Variants in FRMPD4 observed in about 807,000 individuals in gnomAD.
FRMPD4 encodes the protein FERM and PDZ domain-containing protein 4.
In FRMPD4, 22 loss-of-function variants were observed where a neutral mutation model predicts 94.1. The observed-to-expected ratio is 0.23, with a 90% CI of 0.17 to 0.33. The LOEUF (loss-of-function observed/expected upper bound fraction) is 0.33, where lower values mean the gene tolerates loss of function less well. Ranked by LOEUF, FRMPD4 falls within the 10% of genes least tolerant of loss-of-function variation. The probability of loss-of-function intolerance (pLI) is 1.00; values close to 1 mark genes in which losing one functional copy is unlikely to be tolerated. For synonymous variants in FRMPD4, 631 were observed against 548.6 expected (o/e 1.15, Z -2.10); for missense variants, 1,111 against 1,339.9 (o/e 0.83, Z 2.67).
chrX:12,233,819 T>G (rs927091217), intron 1 of FRMPD4, among the ~76,000 whole-genome samples: 1 of 110,820 alleles, frequency 9.0e-6, no homozygotes, highest in African/African-American at 3.3e-5. Flanking sequence ...GGAAGCTTGG[T>G]GAAGGCAGGA....
chrX:12,707,553 G>A lies in FRMPD4; in HGVS notation c.1372G>A (p.Val458Met). The change falls in exon 13 of 17, where the codon GTG (valine) becomes ATG (methionine). Residue 458 changes from valine (V) to methionine (M), a missense_variant. By Grantham distance (21) the Val-to-Met change is conservative. Transcript: ENST00000675598. ...SHVINTKTNL[V>M]ALLADFSHVN... ...TGTCATCAACACCAAAACCAATCTG[G>A]TGGCTCTTTTAGCCGACTTTAGCCA... The A allele has an allele frequency of 8.3e-7, 1 of 1,209,789 alleles. No homozygotes were observed. The highest frequency in any genetic ancestry group is 2.2e-5 in the Admixed American group (1 of 46,055).
At chrX:12,701,067 CTTTTTTTTTT>C (rs34465193) in intron 9 of FRMPD4, among the ~76,000 whole-genome samples, 1 of 56,575 alleles carries the variant, frequency 1.8e-5, no homozygotes, top group South Asian at 1.2e-3. Context: ...GTTTTGGCTT[CTTTTTTTTTT>C]TTTTTTTTTT....
intron 1 of FRMPD4, among the ~76,000 whole-genome samples, chrX:12,414,663 G>A (rs768047872): frequency 9.0e-6 from 1 of 111,469 alleles, no homozygotes. Flanking sequence ...CTTCATCATG[G>A]GTTGGGATTT....
chrX:12,350,340 T>C (rs2055783073), intron 1 of FRMPD4, among the ~76,000 whole-genome samples: 1 of 111,815 alleles, frequency 8.9e-6, no homozygotes, highest in South Asian at 3.7e-4. Context: ...CTTTTTTTTC[T>C]AATTTTCAAA....
At chrX:11,840,392 T>G (rs1453533521) in intron 1 of FRMPD4, among the ~76,000 whole-genome samples, 1 of 111,739 alleles carries the variant, frequency 8.9e-6, no homozygotes, top group Non-Finnish European at 1.9e-5. Context: ...ATACAATTAA[T>G]TTTTTCATGA....
intron 1 of FRMPD4, among the ~76,000 whole-genome samples, chrX:12,497,204 T>C (rs1268965111): frequency 8.9e-6 from 1 of 111,869 alleles, no homozygotes; most frequent in African/African-American, 3.2e-5. Context: ...ATTCTCTACA[T>C]AGGCCTCCTT....
intron 3 of FRMPD4, among the ~76,000 whole-genome samples, chrX:11,941,804 G>A (rs1403911330): frequency 8.9e-6 from 1 of 111,944 alleles, no homozygotes; most frequent in Non-Finnish European, 1.9e-5. Context: ...TGCTCTGCAA[G>A]TTGAGAAGGT....
At chrX:12,072,632 T>C (rs924008145) in intron 3 of FRMPD4, among the ~76,000 whole-genome samples, 1 of 111,844 alleles carries the variant, frequency 8.9e-6, no homozygotes, top group Admixed American at 9.5e-5. Flanking sequence ...GGCAGTCAGC[T>C]GAAAATGTGG....
At chrX:12,223,452 G>T (rs937601064) in intron 1 of FRMPD4, among the ~76,000 whole-genome samples, 1 of 111,767 alleles carries the variant, frequency 8.9e-6, no homozygotes, top group African/African-American at 3.3e-5. Context: ...GCCTCCTTGA[G>T]GGTAAAGGGT....
At chrX:12,221,382 C>A (rs1488405564) in intron 1 of FRMPD4, among the ~76,000 whole-genome samples, 4 of 112,351 alleles carry the variant, frequency 3.6e-5, no homozygotes, top group Non-Finnish European at 7.5e-5. Flanking sequence ...AACTGAAATA[C>A]ATGGTTCTTG....
At chrX:12,086,348 CT>C (rs2055110666) in intron 3 of FRMPD4, among the ~76,000 whole-genome samples, 1 of 112,167 alleles carries the variant, frequency 8.9e-6, no homozygotes, top group Non-Finnish European at 1.9e-5. Flanking sequence ...ATATTTGACT[CT>C]GAAACTGTTT....
At chrX:12,486,278 C>T (rs1430316680) in intron 1 of FRMPD4, among the ~76,000 whole-genome samples, 1 of 111,715 alleles carries the variant, frequency 9.0e-6, no homozygotes, top group Non-Finnish European at 1.9e-5. Flanking sequence ...GCTTCAACAC[C>T]ACCTGGGAGC....
intron 2 of FRMPD4, among the ~76,000 whole-genome samples, chrX:12,532,998 G>A (rs756606597): frequency 1.8e-5 from 2 of 111,876 alleles, no homozygotes; most frequent in Non-Finnish European, 3.8e-5. Context: ...ATTTACAAAC[G>A]TTGTTCTTAA....
chrX:12,529,140 G>A (rs73440714), intron 2 of FRMPD4, among the ~76,000 whole-genome samples: 6,404 of 112,139 alleles, frequency 0.057, 196 homozygotes, highest in African/African-American at 0.11. Flanking sequence ...TCATTTGAAA[G>A]TTAGATTGGG....
intron 11 of FRMPD4, among the ~76,000 whole-genome samples, chrX:12,706,299 G>A (rs77655799): frequency 1.8e-5 from 2 of 111,792 alleles, no homozygotes; most frequent in African/African-American, 3.3e-5. Flanking sequence ...CATTTCCCCC[G>A]AAAACTTGCA....
At chrX:12,695,001 A>G (rs190065016) in intron 9 of FRMPD4, among the ~76,000 whole-genome samples, 1 of 112,257 alleles carries the variant, frequency 8.9e-6, no homozygotes, top group East Asian at 2.8e-4. Flanking sequence ...CATTTTTTCT[A>G]GAACAAGATG....
intron 1 of FRMPD4, among the ~76,000 whole-genome samples, chrX:12,460,514 C>T (rs765701185): frequency 4.4e-4 from 49 of 111,766 alleles, no homozygotes; most frequent in African/African-American, 1.6e-3. Flanking sequence ...GTCTTTTGCC[C>T]ATTGAATTAC....
chrX:12,227,797 T>C (rs1231233929), intron 1 of FRMPD4, among the ~76,000 whole-genome samples: 3 of 104,421 alleles, frequency 2.9e-5, no homozygotes, highest in African/African-American at 7.1e-5. Flanking sequence ...TGAGACCCTG[T>C]CTTAAAGAAA....
At chrX:12,383,478 A>T (rs2056355173) in intron 1 of FRMPD4, among the ~76,000 whole-genome samples, 1 of 111,139 alleles carries the variant, frequency 9.0e-6, no homozygotes, top group South Asian at 3.9e-4. Context: ...AATCTCAATA[A>T]TGCCAATGTT....
Sources: gnomAD v4.1 joint callset for allele counts (sites outside exome capture counted in the v4.1 genomes callset) on GRCh38, gnomAD v4.1.1 for gene constraint, MANE v1.5 for transcripts, NCBI Gene and HGNC (gene_info 2026-07-23, HGNC 2026-07-21) for gene names.